MAL: variants seen among roughly 807,000 people sequenced by gnomAD.
The protein encoded by MAL is mal, T cell differentiation protein (MAL blood group), also known as myelin and lymphocyte protein.
MAL carries 5 observed loss-of-function variants against 16.7 expected under a neutral mutation model. The observed-to-expected ratio is 0.30, with a 90% confidence interval of 0.16 to 0.63. MAL has a LOEUF of 0.63. Ranked by LOEUF, MAL falls within the 30% of genes least tolerant of loss-of-function variation. The pLI, the probability that MAL is intolerant of heterozygous loss-of-function variation, is 0.82. For synonymous variants in MAL, 96 were observed against 85.5 expected (o/e 1.12, Z -0.67); for missense variants, 202 against 195.8 (o/e 1.03, Z -0.19).
intron 1 of MAL, among the ~76,000 whole-genome samples, chr2:95,035,392 A>G (rs1207118810): frequency 6.7e-6 from 1 of 150,166 alleles, no homozygotes; most frequent in Non-Finnish European, 1.5e-5. Flanking sequence ...TGGTAGGCAG[A>G]ATTTTCCATT....
At chr2:95,046,449 G>A (rs1674586833) in intron 1 of MAL, among the ~76,000 whole-genome samples, 1 of 152,202 alleles carries the variant, frequency 6.6e-6, no homozygotes. Context: ...GGAAAGAGAA[G>A]TGCAGAAAGT....
intron 2 of MAL, 103 bp downstream of exon 2, chr2:95,048,229 G>A (rs1382530770): frequency 5.9e-6 from 7 of 1,192,730 alleles, no homozygotes; most frequent in East Asian, 2.4e-5. Flanking sequence ...AGACTTCTCC[G>A]TAGATGTCAC....
Position 95,053,681 on chromosome 2 carries a change from A to G in MAL, c.*226A>G, listed in dbSNP as rs547317053. The G allele has an allele frequency of 1.4e-4, 79 of 562,640 alleles. No individual in the cohort carries two copies. The South Asian group carries it at 1.7e-3, about 12-fold the overall frequency. The allele number at this position is 562,640 out of a possible 1,614,324, so 34.9% of individuals were successfully genotyped here. On this transcript the variant is annotated 3_prime_UTR_variant, in exon 4 of 4. Transcript: ENST00000309988. ...TGGGAGCTTGCTGTGTCTAACCTCC[A>G]ACTGCTGTGCTGTCTGCTAGGGTCA... is the stretch of plus-strand genomic sequence containing the variant.
At chr2:95,051,845 C>A (rs1236943752) in intron 3 of MAL, 2 of 152,226 alleles carry the variant, frequency 1.3e-5, no homozygotes, top group Non-Finnish European at 1.5e-5. Flanking sequence ...CTCACGGTAT[C>A]AACTGCATCC....
At chr2:95,034,056 C>T (rs75040964) in intron 1 of MAL, among the ~76,000 whole-genome samples, 8,404 of 152,322 alleles carry the variant, frequency 0.055, 337 homozygotes, top group Non-Finnish European at 0.083. Flanking sequence ...ACTGGCCGAC[C>T]TGTGCCGATG....
chr2:95,043,259 C>G (rs1458471226), intron 1 of MAL, among the ~76,000 whole-genome samples: 1 of 152,272 alleles, frequency 6.6e-6, no homozygotes, highest in Non-Finnish European at 1.5e-5. Context: ...TGGTTGTCCA[C>G]CTGCATGTTA....
intron 1 of MAL, among the ~76,000 whole-genome samples, chr2:95,035,181 C>T (rs115512379): frequency 5.3e-5 from 8 of 152,324 alleles, no homozygotes; most frequent in Non-Finnish European, 1.2e-4. Flanking sequence ...GGCAGGTGTA[C>T]ACCTGTTTTG....
intron 1 of MAL, among the ~76,000 whole-genome samples, chr2:95,047,657 G>T (rs979305348): frequency 6.6e-6 from 1 of 152,190 alleles, no homozygotes; most frequent in Non-Finnish European, 1.5e-5. Context: ...GGAGGCAGAG[G>T]TTGCAGTGAG....
intron 1 of MAL, among the ~76,000 whole-genome samples, chr2:95,036,981 G>A (rs1353644532): frequency 6.6e-6 from 1 of 151,956 alleles, no homozygotes; most frequent in Non-Finnish European, 1.5e-5. Flanking sequence ...GAGTGAGTGA[G>A]TGACTGAGTG....
chr2:95,048,657 G>T (rs925347271), intron 2 of MAL, among the ~76,000 whole-genome samples: 2 of 152,190 alleles, frequency 1.3e-5, no homozygotes, highest in African/African-American at 4.8e-5. Context: ...CCCATGAAAA[G>T]GTAACTTTTA....
intron 3 of MAL, among the ~76,000 whole-genome samples, chr2:95,050,577 C>G (rs1403321591): frequency 6.6e-6 from 1 of 152,220 alleles, no homozygotes; most frequent in African/African-American, 2.4e-5. Context: ...AGAAGACCCA[C>G]AGATAGGCTT....
At chr2:95,049,450 C>A in intron 2 of MAL, 131 bp from the exon 3 acceptor site, 1 of 1,200,014 alleles carries the variant, frequency 8.3e-7, no homozygotes, top group Non-Finnish European at 1.2e-6. Context: ...ACCTCCGTGA[C>A]AAGGTTGGGA....
chr2:95,039,690 G>T (rs1247607592), intron 1 of MAL, among the ~76,000 whole-genome samples: 5 of 146,016 alleles, frequency 3.4e-5, no homozygotes, highest in African/African-American at 1.3e-4. Flanking sequence ...GTGACTGAGT[G>T]AGTGACTGAG....
At chr2:95,042,789 C>T (rs192256858) in intron 1 of MAL, among the ~76,000 whole-genome samples, 4 of 152,334 alleles carry the variant, frequency 2.6e-5, no homozygotes, top group African/African-American at 9.6e-5. Context: ...AATGCTTGAA[C>T]CCTCACATAC....
intron 1 of MAL, among the ~76,000 whole-genome samples, chr2:95,027,364 C>T (rs929466036): frequency 6.6e-6 from 1 of 152,198 alleles, no homozygotes. Context: ...GGCTTTGTGG[C>T]CTGCCGGTAG....
Position 95,049,699 on chromosome 2 carries a change from C to T in MAL, c.380C>T (p.Ala127Val), listed in dbSNP as rs776572875. The change falls in exon 3 of 4, where the codon GCT becomes GTT. Residue 127 changes from alanine (A) to valine (V), a missense_variant. By Grantham distance (64) the Ala-to-Val change is moderately conservative. Coordinates refer to ENST00000309988, the MANE Select transcript of MAL (RefSeq NM_002371.4). ...TACAGGCACTACCATGAAAACATTG[C>T]TGCCGTGGTGAGTCCGGGCACCTGG... is the stretch of plus-strand genomic sequence containing the variant. Reference protein sequence around the residue: ...FTYRHYHENIAAVVFSYIATL... With the variant: ...FTYRHYHENIVAVVFSYIATL... 1 of 1,614,026 alleles carries T rather than the reference C, an allele frequency of 6.2e-7. No homozygotes were observed. Among genetic ancestry groups the T allele is most frequent in the African/African-American group, 1.3e-5 (1 of 74,922 alleles).
chr2:95,053,542 C>A lies in MAL; in HGVS notation c.*87C>A. 1.9e-6 allele frequency: 2 copies of A among 1,056,390 alleles called. No individual in the cohort carries two copies. Among genetic ancestry groups the A allele is most frequent in the East Asian group, 2.4e-5 (1 of 42,252 alleles). 65.4% of individuals were successfully genotyped at this position (1,056,390 alleles called of 1,614,324 possible). A position where few individuals can be genotyped will look rare whatever the true frequency, so the allele number is the denominator to read the frequency against. Reference sequence around the variant, plus strand: ...CATAACTTTTTAGAAAACAGAAATGCCCTTGATGGTGGAAAAAAGAAAACA... The same window carrying A: ...CATAACTTTTTAGAAAACAGAAATGACCTTGATGGTGGAAAAAAGAAAACA... On this transcript the variant is annotated 3_prime_UTR_variant, in exon 4 of 4. Transcript: ENST00000309988.
Position 95,048,013 on chromosome 2 carries a change from C to G in MAL, c.148C>G (p.Leu50Val). ...LVASSLVPWP[L>V]VQGWVMFVSV... ...GGCCTCCTCCCTGGTGCCCTGGCCC[C>G]TGGTCCAGGGCTGGGTGATGTTCGT... Residue 50 changes from leucine (L) to valine (V), a missense_variant, in exon 2 of 4, where the codon CTG (leucine) becomes GTG (valine). By Grantham distance (32) the Leu-to-Val change is conservative. Transcript: ENST00000309988. 1 of 1,613,942 alleles carries G rather than the reference C, an allele frequency of 6.2e-7. No individual in the cohort carries two copies. Among genetic ancestry groups the G allele is most frequent in the Non-Finnish European group, 8.5e-7 (1 of 1,179,922 alleles).
At chr2:95,027,401 C>T (rs939570337) in intron 1 of MAL, among the ~76,000 whole-genome samples, 1 of 152,184 alleles carries the variant, frequency 6.6e-6, no homozygotes, top group African/African-American at 2.4e-5. Context: ...AACAACTCCC[C>T]CTCGCCCAGA....
Sources: gnomAD v4.1 joint callset for allele counts (sites outside exome capture counted in the v4.1 genomes callset) on GRCh38, gnomAD v4.1.1 for gene constraint, MANE v1.5 for transcripts, NCBI Gene and HGNC (gene_info 2026-07-23, HGNC 2026-07-21) for gene names.